The following FGF14 variants were observed in gnomAD, a reference collection of about 807,000 sequenced individuals.
FGF14 encodes fibroblast growth factor homologous factor 4.
A neutral mutation model predicts 25.5 loss-of-function variants in FGF14; 5 were observed. The ratio of observed to expected loss-of-function variants is 0.20; its 90% CI spans 0.10 to 0.41. FGF14 has a LOEUF of 0.41. FGF14 is among the 10% of genes least tolerant of loss of function. The pLI, the probability that FGF14 is intolerant of heterozygous loss-of-function variation, is 1.00. For synonymous variants in FGF14, 138 were observed against 118.3 expected, an observed-to-expected ratio of 1.17 and a Z score of -1.08; for missense variants, 222 against 320.1, an observed-to-expected ratio of 0.69 and a Z score of 2.34.
In FGF14 at chr13:101,969,490, C is replaced by T. The variant is rs191794599; in HGVS notation, c.209-94194G>A. On this transcript the variant is annotated intron_variant, in intron 1 of 4. Transcript: ENST00000376131. ...AAAATACTCCTGCCTTTGAAGTTTC[C>T]TGATGCCTTCTAAACATTATATTTC... 9.7e-4 allele frequency among the ~76,000 whole-genome samples: 147 copies of T among 152,280 alleles called. 1 individual carries two copies. The highest frequency in any genetic ancestry group is 3.5e-3 in the African/African-American group (144 of 41,554).
intron 1 of FGF14, among the ~76,000 whole-genome samples, chr13:102,285,390 C>G (rs376567576): frequency 6.6e-6 from 1 of 152,022 alleles, no homozygotes; most frequent in Admixed American, 6.6e-5. Flanking sequence ...GGTTTACATC[C>G]GTGAATTTCA....
chr13:102,135,463 CT>C (rs1372620652), intron 1 of FGF14, among the ~76,000 whole-genome samples: 1 of 152,068 alleles, frequency 6.6e-6, no homozygotes, highest in Non-Finnish European at 1.5e-5. Context: ...TACAAAAAAG[CT>C]TTATCTGAGT....
chr13:102,222,263 C>G (rs1476766527), intron 1 of FGF14, among the ~76,000 whole-genome samples: 7 of 152,156 alleles, frequency 4.6e-5, no homozygotes, highest in Non-Finnish European at 1.0e-4. Context: ...GTGTATTATA[C>G]TTAGTCTTAT....
At chr13:102,366,023 A>G (rs1428717688) in intron 1 of FGF14, among the ~76,000 whole-genome samples, 1 of 152,158 alleles carries the variant, frequency 6.6e-6, no homozygotes, top group Admixed American at 6.5e-5. Context: ...CATATATAGG[A>G]AGTGTTTGTT....
At chr13:102,059,802 G>T (rs1484493447) in intron 1 of FGF14, among the ~76,000 whole-genome samples, 1 of 151,162 alleles carries the variant, frequency 6.6e-6, no homozygotes. Context: ...AGCGAGCCGA[G>T]ATCGCACCAT....
At chr13:102,354,461 AG>A (rs2138999256) in intron 1 of FGF14, among the ~76,000 whole-genome samples, 1 of 152,306 alleles carries the variant, frequency 6.6e-6, no homozygotes, top group East Asian at 1.9e-4. Flanking sequence ...ATGACCTGAA[AG>A]CCTCCTACCC....
chr13:102,163,417 G>A (rs982416752), intron 1 of FGF14, among the ~76,000 whole-genome samples: 1 of 152,116 alleles, frequency 6.6e-6, no homozygotes, highest in African/African-American at 2.4e-5. Flanking sequence ...CTAAGCTCCA[G>A]GGTTATAAAG....
chr13:101,878,177 T>C (rs1445109727), intron 1 of FGF14, among the ~76,000 whole-genome samples: 1 of 152,190 alleles, frequency 6.6e-6, no homozygotes, highest in Non-Finnish European at 1.5e-5. Flanking sequence ...CCTATAAATA[T>C]TCCATAATTT....
chr13:102,175,918 T>C (rs754095541), intron 1 of FGF14, among the ~76,000 whole-genome samples: 3 of 151,818 alleles, frequency 2.0e-5, no homozygotes, highest in Non-Finnish European at 4.4e-5. Context: ...CAAAAAATAA[T>C]AGATGTTGGC....
intron 3 of FGF14, among the ~76,000 whole-genome samples, chr13:101,860,130 C>T (rs2044336286): frequency 6.6e-6 from 1 of 151,988 alleles, no homozygotes; most frequent in African/African-American, 2.4e-5. Flanking sequence ...GTGCAGACTA[C>T]ATCTCTTTTT....
chr13:102,111,718 A>G (rs555993273), intron 1 of FGF14, among the ~76,000 whole-genome samples: 3 of 149,588 alleles, frequency 2.0e-5, no homozygotes, highest in East Asian at 3.9e-4. Context: ...TCTGTCTAAA[A>G]AAGAAAAAAA....
intron 1 of FGF14, among the ~76,000 whole-genome samples, chr13:102,198,038 G>A (rs145905743): frequency 9.3e-4 from 142 of 152,224 alleles, no homozygotes; most frequent in Non-Finnish European, 1.7e-3. Context: ...ACTGGGCACC[G>A]ACTCTTTCCT....
At chr13:101,726,167 T>C (rs1194426157) in intron 4 of FGF14, among the ~76,000 whole-genome samples, 1 of 152,084 alleles carries the variant, frequency 6.6e-6, no homozygotes, top group East Asian at 1.9e-4. Context: ...AAGTAGGTAA[T>C]TACTTTCACC....
At chr13:102,024,484 GGTCT>G (rs2040826204) in intron 1 of FGF14, among the ~76,000 whole-genome samples, 3 of 106,472 alleles carry the variant, frequency 2.8e-5, no homozygotes, top group Admixed American at 9.2e-5. Flanking sequence ...TTTTTAATGT[GGTCT>G]GTGTTTTTAC....
chr13:102,311,071 C>A (rs1466578266), intron 1 of FGF14, among the ~76,000 whole-genome samples: 1 of 152,058 alleles, frequency 6.6e-6, no homozygotes, highest in East Asian at 1.9e-4. Flanking sequence ...AAAAAGGATT[C>A]GGTCAGCCAT....
At chr13:101,937,327 T>C (rs1176749430) in intron 1 of FGF14, among the ~76,000 whole-genome samples, 1 of 152,198 alleles carries the variant, frequency 6.6e-6, no homozygotes, top group Non-Finnish European at 1.5e-5. Flanking sequence ...AGAATGTGAC[T>C]GCATTTGGAG....
At chr13:102,141,100 C>G (rs967026552) in intron 1 of FGF14, among the ~76,000 whole-genome samples, 2 of 152,190 alleles carry the variant, frequency 1.3e-5, no homozygotes, top group Non-Finnish European at 2.9e-5. Context: ...AGGGCTTCCT[C>G]TACTAGAAAT....
intron 1 of FGF14, among the ~76,000 whole-genome samples, chr13:102,217,361 C>T (rs887897547): frequency 3.9e-5 from 6 of 152,250 alleles, no homozygotes; most frequent in Admixed American, 3.3e-4. Flanking sequence ...GAAGAATAAG[C>T]CACTATCAAA....
At chr13:101,847,054 C>A (rs546726656) in intron 3 of FGF14, among the ~76,000 whole-genome samples, 2 of 152,078 alleles carry the variant, frequency 1.3e-5, no homozygotes, top group South Asian at 4.2e-4. Flanking sequence ...AACATTCGAC[C>A]TATGATGTTC....
Sources: allele counts gnomAD v4.1 joint callset (sites outside exome capture counted in the v4.1 genomes callset), GRCh38; gene constraint gnomAD v4.1.1; transcripts MANE v1.5; gene names NCBI Gene and HGNC (gene_info 2026-07-23, HGNC 2026-07-21).